Variants in INPP4B observed in about 807,000 individuals in gnomAD.
INPP4B encodes the protein inositol polyphosphate 4-phosphatase type II.
Under a neutral mutation model 122.5 loss-of-function variants are expected in INPP4B, and 55 were observed. That is an observed-to-expected ratio of 0.45 (90% CI 0.36 to 0.56). INPP4B has a LOEUF of 0.56. Among genes scored for constraint, INPP4B ranks in the 20% least tolerant of loss-of-function variants. The pLI, the probability that INPP4B is intolerant of heterozygous loss-of-function variation, is 0.00. For missense variants in INPP4B, 1,000 were observed against 1,097.7 expected (o/e 0.91, Z 1.26); for synonymous variants, 403 against 388.7 (o/e 1.04, Z -0.43).
chr4:142,189,617 G>C (rs761952962), intron 15 of INPP4B, among the ~76,000 whole-genome samples: 28 of 152,070 alleles, frequency 1.8e-4, no homozygotes, highest in Non-Finnish European at 3.5e-4. Context: ...TTTTGAATAG[G>C]ATTATGTAAA....
chr4:142,158,892 ATTTG>A (rs1202604161), intron 17 of INPP4B, among the ~76,000 whole-genome samples: 1 of 151,960 alleles, frequency 6.6e-6, no homozygotes, highest in Admixed American at 6.6e-5. Context: ...AATGGTAATT[ATTTG>A]TCAAAAGGTC....
chr4:142,401,662 T>C, intron 7 of INPP4B, among the ~76,000 whole-genome samples: 1 of 152,302 alleles, frequency 6.6e-6, no homozygotes, highest in African/African-American at 2.4e-5. Flanking sequence ...ACTTTACGTA[T>C]ATTAATTAAT....
At chr4:142,254,453 T>A (rs1734495812) in intron 11 of INPP4B, among the ~76,000 whole-genome samples, 1 of 151,472 alleles carries the variant, frequency 6.6e-6, no homozygotes, top group East Asian at 1.9e-4. Context: ...TTGAAAACTT[T>A]GAAAAAAATT....
At chr4:142,412,940 C>T (rs1804915324) in intron 5 of INPP4B, among the ~76,000 whole-genome samples, 2 of 152,126 alleles carry the variant, frequency 1.3e-5, no homozygotes, top group Admixed American at 1.3e-4. Flanking sequence ...GAGTCAAGCA[C>T]ACACTGCTCT....
intron 2 of INPP4B, among the ~76,000 whole-genome samples, chr4:142,568,086 G>T (rs937850247): frequency 6.6e-6 from 1 of 151,816 alleles, no homozygotes; most frequent in Non-Finnish European, 1.5e-5. Context: ...TTTCCCCTCT[G>T]CATTCTTTCC....
intron 5 of INPP4B, among the ~76,000 whole-genome samples, chr4:142,413,650 G>A (rs1326404346): frequency 6.6e-6 from 1 of 152,120 alleles, no homozygotes; most frequent in Non-Finnish European, 1.5e-5. Context: ...CCCTTTCCTT[G>A]TGTTAGCTCA....
chr4:142,725,672 A>C (rs1461054225), intron 2 of INPP4B, among the ~76,000 whole-genome samples, 167 bp downstream of exon 2: 4 of 152,170 alleles, frequency 2.6e-5, no homozygotes, highest in African/African-American at 9.6e-5. Flanking sequence ...TGTACTGTTC[A>C]CTTTATCAAT....
chr4:142,644,862 G>A (rs1443805593), intron 2 of INPP4B, among the ~76,000 whole-genome samples: 2 of 132,364 alleles, frequency 1.5e-5, no homozygotes, highest in Non-Finnish European at 3.1e-5. Flanking sequence ...GCCAAGATCA[G>A]GCCACTGCAC....
intron 2 of INPP4B, among the ~76,000 whole-genome samples, chr4:142,687,934 A>T (rs1191163265): frequency 1.3e-5 from 2 of 152,050 alleles, no homozygotes; most frequent in African/African-American, 4.8e-5. Context: ...ACCCTGTCCT[A>T]TGAAACCCTT....
chr4:142,449,371 G>A (rs1041659910), intron 3 of INPP4B, among the ~76,000 whole-genome samples: 1 of 152,112 alleles, frequency 6.6e-6, no homozygotes, highest in African/African-American at 2.4e-5. Flanking sequence ...TATTAGAAAT[G>A]CAGAACCTTG....
chr4:142,130,201 A>C (rs1800607488), intron 18 of INPP4B, among the ~76,000 whole-genome samples: 1 of 152,242 alleles, frequency 6.6e-6, no homozygotes, highest in East Asian at 1.9e-4. Context: ...GACTGCAGGT[A>C]GTAGACACCC....
intron 7 of INPP4B, among the ~76,000 whole-genome samples, chr4:142,316,814 T>C (rs1486742918): frequency 1.3e-5 from 2 of 152,216 alleles, no homozygotes; most frequent in Non-Finnish European, 1.5e-5. Flanking sequence ...CTATTAGTGA[T>C]GTTATGGTAC....
At chr4:142,687,891 C>T (rs938945604) in intron 2 of INPP4B, among the ~76,000 whole-genome samples, 29 of 152,114 alleles carry the variant, frequency 1.9e-4, no homozygotes, top group African/African-American at 6.0e-4. Context: ...CCCAACAATG[C>T]TCGTGTGTTT....
intron 14 of INPP4B, among the ~76,000 whole-genome samples, chr4:142,197,623 G>A (rs953605658): frequency 6.6e-6 from 1 of 152,010 alleles, no homozygotes; most frequent in African/African-American, 2.4e-5. Context: ...TAACAACAAT[G>A]TTAATAATAA....
intron 6 of INPP4B, among the ~76,000 whole-genome samples, chr4:142,404,804 CT>C (rs533872720): frequency 1.3e-5 from 2 of 151,688 alleles, no homozygotes; most frequent in Non-Finnish European, 2.9e-5. Context: ...GTACAACTTT[CT>C]TTTTTTTCCT....
At chr4:142,604,128 T>C (rs1740688025) in intron 2 of INPP4B, among the ~76,000 whole-genome samples, 1 of 152,026 alleles carries the variant, frequency 6.6e-6, no homozygotes, top group Non-Finnish European at 1.5e-5. Context: ...GGCAAAAATC[T>C]TATGATCATA....
intron 7 of INPP4B, among the ~76,000 whole-genome samples, chr4:142,351,793 T>C (rs934919494): frequency 2.6e-5 from 4 of 152,004 alleles, no homozygotes; most frequent in Non-Finnish European, 5.9e-5. Context: ...TAATTTCTAA[T>C]AGTATTAAGA....
At chr4:142,184,121 A>G (rs1453301183) in intron 15 of INPP4B, among the ~76,000 whole-genome samples, 2 of 152,180 alleles carry the variant, frequency 1.3e-5, no homozygotes, top group African/African-American at 4.8e-5. Flanking sequence ...AATTTTTTAA[A>G]ATTCTGAACT....
chr4:142,127,726 A>C (rs1799256878), intron 18 of INPP4B, among the ~76,000 whole-genome samples: 1 of 152,226 alleles, frequency 6.6e-6, no homozygotes, highest in Non-Finnish European at 1.5e-5. Context: ...ATGTCTTTAA[A>C]ATAGTAGTAA....
Sources: gnomAD v4.1 joint callset for allele counts (sites outside exome capture counted in the v4.1 genomes callset) on GRCh38, gnomAD v4.1.1 for gene constraint, MANE v1.5 for transcripts, NCBI Gene and HGNC (gene_info 2026-07-23, HGNC 2026-07-21) for gene names.